Variants in DOCK1 observed in about 807,000 individuals in gnomAD.
The protein encoded by DOCK1 is dedicator of cytokinesis 1, also known as dedicator of cytokinesis protein 1.
DOCK1 carries 138 observed loss-of-function variants against 262.7 expected under a neutral mutation model. That is an observed-to-expected ratio of 0.53 (90% CI 0.46 to 0.61). The LOEUF (loss-of-function observed/expected upper bound fraction) is 0.61, where lower values mean the gene tolerates loss of function less well. DOCK1 is among the 20% of genes least tolerant of loss of function. The pLI, the probability that DOCK1 is intolerant of heterozygous loss-of-function variation, is 0.00. For synonymous variants in DOCK1, 866 were observed against 867.4 expected (o/e 1.00, Z 0.03); for missense variants, 1,908 against 2,370.7 (o/e 0.80, Z 4.05).
At chr10:126,967,392 A>G (rs1292897905) in intron 1 of DOCK1, among the ~76,000 whole-genome samples, 2 of 152,164 alleles carry the variant, frequency 1.3e-5, no homozygotes, top group African/African-American at 4.8e-5. Context: ...AGAATTGGGA[A>G]CCACAGCCCT....
Position 126,995,143 on chromosome 10 carries a change from C to T in DOCK1, c.474-1605C>T, listed in dbSNP as rs978034093. Among the ~76,000 whole-genome samples, 19 of 151,778 alleles carry T rather than the reference C, an allele frequency of 1.3e-4. No individual in the cohort carries two copies. The highest frequency in any genetic ancestry group is 2.8e-4 in the Non-Finnish European group (19 of 67,940). Reference sequence around the variant, plus strand: ...CGATGGGCGGCCGGGCAGAGACGCTCCTCACTTCTAGACGGGATGACGGCC... The same window carrying T: ...CGATGGGCGGCCGGGCAGAGACGCTTCTCACTTCTAGACGGGATGACGGCC... On this transcript the variant is annotated intron_variant, in intron 6 of 51. Transcript: ENST00000623213. The surrounding 1 kb of genome is among the most constrained non-coding windows in gnomAD (Gnocchi z 5.8).
intron 47 of DOCK1, among the ~76,000 whole-genome samples, chr10:127,429,133 T>G (rs1479961377): frequency 6.6e-6 from 1 of 151,858 alleles, no homozygotes; most frequent in African/African-American, 2.4e-5. Flanking sequence ...TGGAGCTTAT[T>G]TCCAGCACAT....
Position 127,187,054 on chromosome 10 carries a change from C to T in DOCK1, c.2847+59290C>T, listed in dbSNP as rs75963577. ...ACCCCATCTCCTGTCCAGAAGGGAACGTGACAATTCACCCCGGGGCAAAAC... is the reference window on the plus strand; with the variant it reads ...ACCCCATCTCCTGTCCAGAAGGGAATGTGACAATTCACCCCGGGGCAAAAC... On this transcript the variant is annotated intron_variant, in intron 27 of 51. Coordinates refer to ENST00000623213, the MANE Select transcript of DOCK1 (RefSeq NM_001290223.2). Among the ~76,000 whole-genome samples, 1,350 of 152,308 alleles carry T rather than the reference C, an allele frequency of 8.9e-3. 25 individuals carry two copies. Among genetic ancestry groups the T allele is most frequent in the African/African-American group, 0.03 (1,267 of 41,556 alleles).
intron 24 of DOCK1, among the ~76,000 whole-genome samples, chr10:127,108,949 C>T (rs913302637): frequency 9.3e-4 from 141 of 152,200 alleles, no homozygotes; most frequent in African/African-American, 3.3e-3. Context: ...AAAGAACAGG[C>T]CTCTAGCTAC....
At chr10:127,188,757 A>G (rs572213763) in intron 27 of DOCK1, among the ~76,000 whole-genome samples, 2 of 152,362 alleles carry the variant, frequency 1.3e-5, no homozygotes, top group South Asian at 4.1e-4. Flanking sequence ...ACACTTGTGT[A>G]TAACACTCAG....
chr10:127,355,934 G>A (rs1359150816), intron 32 of DOCK1, among the ~76,000 whole-genome samples: 1 of 152,234 alleles, frequency 6.6e-6, no homozygotes, highest in Non-Finnish European at 1.5e-5. Flanking sequence ...GAAAGCCACA[G>A]CAGATGCTCC....
chr10:127,114,317 G>A (rs2049041266), intron 25 of DOCK1, among the ~76,000 whole-genome samples: 1 of 152,174 alleles, frequency 6.6e-6, no homozygotes, highest in Non-Finnish European at 1.5e-5. Flanking sequence ...AGCAGGACCA[G>A]CTACACACAT....
At chr10:127,416,681 C>T (rs1292136611) in intron 44 of DOCK1, among the ~76,000 whole-genome samples, 2 of 152,226 alleles carry the variant, frequency 1.3e-5, no homozygotes, top group Non-Finnish European at 1.5e-5. Context: ...AGCAGCTAAC[C>T]TTCTTCAATA....
chr10:127,266,784 C>T (rs1416801374), intron 29 of DOCK1, among the ~76,000 whole-genome samples: 3 of 152,178 alleles, frequency 2.0e-5, no homozygotes, highest in African/African-American at 2.4e-5. Flanking sequence ...CTGCATTTTA[C>T]TACAGCTCAT....
chr10:127,038,603 A>T (rs1010971392), intron 19 of DOCK1, among the ~76,000 whole-genome samples: 4 of 152,158 alleles, frequency 2.6e-5, no homozygotes, highest in Admixed American at 2.6e-4. Flanking sequence ...TGGTAGAAAG[A>T]TCACGACACT....
chr10:127,440,385 G>A (rs72843736), intron 49 of DOCK1, among the ~76,000 whole-genome samples: 9,010 of 152,160 alleles, frequency 0.059, 338 homozygotes, highest in Non-Finnish European at 0.088. Flanking sequence ...GTCTGAGTGC[G>A]AAGATGAGGC....
intron 23 of DOCK1, among the ~76,000 whole-genome samples, chr10:127,101,562 A>G (rs1053350983): frequency 3.3e-5 from 5 of 152,114 alleles, no homozygotes; most frequent in Non-Finnish European, 7.4e-5. Context: ...AGGGGGCACA[A>G]CCCCTTCTCT....
At chr10:127,443,130 A>G (rs147402451) in intron 49 of DOCK1, among the ~76,000 whole-genome samples, 1 of 152,288 alleles carries the variant, frequency 6.6e-6, no homozygotes, top group East Asian at 1.9e-4. Context: ...CTTGGCTGAT[A>G]GAAGCATCAC....
intron 29 of DOCK1, among the ~76,000 whole-genome samples, chr10:127,320,174 A>G (rs2062457064): frequency 1.3e-5 from 2 of 152,068 alleles, no homozygotes; most frequent in Admixed American, 1.3e-4. Flanking sequence ...CTGGCCTTGC[A>G]GACACTGACC....
chr10:127,086,490 T>G (rs2047207871), intron 23 of DOCK1, among the ~76,000 whole-genome samples: 1 of 152,216 alleles, frequency 6.6e-6, no homozygotes, highest in Non-Finnish European at 1.5e-5. Context: ...GGCATTTTCT[T>G]GCTGGCATGA....
intron 2 of DOCK1, among the ~76,000 whole-genome samples, chr10:126,975,309 A>G (rs1441578448): frequency 6.6e-6 from 1 of 152,016 alleles, no homozygotes; most frequent in East Asian, 1.9e-4. Flanking sequence ...TGAGCATCCC[A>G]TGTCCATCTC....
intron 27 of DOCK1, among the ~76,000 whole-genome samples, chr10:127,242,987 T>C (rs1564929238): frequency 6.6e-6 from 1 of 152,158 alleles, no homozygotes; most frequent in Non-Finnish European, 1.5e-5. Context: ...TCCTTTGGAA[T>C]TTAGAGAACT....
intron 27 of DOCK1, among the ~76,000 whole-genome samples, chr10:127,168,540 T>G (rs1388257809): frequency 6.6e-6 from 1 of 152,248 alleles, no homozygotes; most frequent in Non-Finnish European, 1.5e-5. Context: ...TTTTCAGGAC[T>G]GCAGAGGCTG....
At chr10:126,928,670 G>C (rs1321793360) in intron 1 of DOCK1, among the ~76,000 whole-genome samples, 1 of 152,208 alleles carries the variant, frequency 6.6e-6, no homozygotes, top group African/African-American at 2.4e-5. Context: ...CAATATGCGT[G>C]ATGTCCTTGT....
Sources: allele counts gnomAD v4.1 joint callset (sites outside exome capture counted in the v4.1 genomes callset), GRCh38; gene constraint gnomAD v4.1.1; non-coding constraint Gnocchi (gnomAD v3.1); transcripts MANE v1.5; gene names NCBI Gene and HGNC (gene_info 2026-07-23, HGNC 2026-07-21).